The following RAB11FIP4 variants were observed in gnomAD, a reference collection of about 807,000 sequenced individuals.
The protein encoded by RAB11FIP4 is rab11 family-interacting protein 4.
RAB11FIP4 carries 23 observed loss-of-function variants against 74.3 expected under a neutral mutation model. The observed-to-expected ratio is 0.31, with a 90% CI of 0.22 to 0.44. The LOEUF (loss-of-function observed/expected upper bound fraction) is 0.44. RAB11FIP4 is among the 20% of genes least tolerant of loss of function. RAB11FIP4 has a pLI of 1.00. For missense variants in RAB11FIP4, 630 were observed against 863.9 expected (o/e 0.73, Z 3.39); for synonymous variants, 360 against 359.9 (o/e 1.00, Z 0.00).
At chr17:31,409,896 C>T (rs2151618790) in intron 1 of RAB11FIP4, among the ~76,000 whole-genome samples, 1 of 152,320 alleles carries the variant, frequency 6.6e-6, no homozygotes, top group Admixed American at 6.5e-5. Context: ...GCAAGTTCCT[C>T]TCTGCTTCTT....
At chr17:31,477,073 T>C (rs562374565) in intron 3 of RAB11FIP4, among the ~76,000 whole-genome samples, 1 of 152,320 alleles carries the variant, frequency 6.6e-6, no homozygotes, top group South Asian at 2.1e-4. Flanking sequence ...CTGTCTTTTG[T>C]GGGGTAGCTT....
rs1043588100 is a variant in RAB11FIP4 at position 31,521,078 on chromosome 17, A to G, written c.564-88A>G. On this transcript the variant is annotated intron_variant, in intron 4 of 14. Coordinates refer to ENST00000621161, the MANE Select transcript of RAB11FIP4 (RefSeq NM_032932.6). ...CAAACTTAATCGGTAGTGCCAATTA[A>G]AGGGAAATGCCTGTCAGTTTCCCCA... 6.5e-6 allele frequency: 7 copies of G among 1,072,326 alleles called. No individual in the cohort carries two copies. The African/African-American group carries it at 9.6e-5, about 15-fold the overall frequency. The allele number at this position is 1,072,326 out of a possible 1,614,324, so 66.4% of individuals were successfully genotyped here.
At chr17:31,517,191 C>T (rs1338979450) in intron 3 of RAB11FIP4, among the ~76,000 whole-genome samples, 9 of 42,778 alleles carry the variant, frequency 2.1e-4, no homozygotes, top group Admixed American at 6.6e-4. Flanking sequence ...GGAGGCGGTG[C>T]GGGGGGGGGG....
intron 3 of RAB11FIP4, chr17:31,488,231 A>G (rs2142747277): frequency 8.7e-7 from 1 of 1,146,606 alleles, no homozygotes; most frequent in East Asian, 4.3e-5. Flanking sequence ...TCTGCCGGGG[A>G]GCGGCCCGCG....
At chr17:31,450,146 C>T (rs2071510751) in intron 3 of RAB11FIP4, among the ~76,000 whole-genome samples, 2 of 152,140 alleles carry the variant, frequency 1.3e-5, no homozygotes, top group Non-Finnish European at 1.5e-5. Context: ...CCCTACTCTC[C>T]TTCCCCTGCC....
chr17:31,520,327 G>A (rs2072638841), intron 4 of RAB11FIP4, among the ~76,000 whole-genome samples: 1 of 152,026 alleles, frequency 6.6e-6, no homozygotes, highest in Non-Finnish European at 1.5e-5. Context: ...GATGCCAAGG[G>A]ATGACCATAC....
At chr17:31,498,355 A>G (rs1169176754) in intron 3 of RAB11FIP4, among the ~76,000 whole-genome samples, 1 of 152,214 alleles carries the variant, frequency 6.6e-6, no homozygotes, top group Non-Finnish European at 1.5e-5. Context: ...GGGTCTAGCA[A>G]AGGCCACAGG....
chr17:31,421,614 T>G (rs2071200426), intron 1 of RAB11FIP4, among the ~76,000 whole-genome samples: 2 of 149,070 alleles, frequency 1.3e-5, no homozygotes, highest in Admixed American at 1.4e-4. Flanking sequence ...TGGAGTGCAA[T>G]AGCGCAATCT....
Position 31,535,651 on chromosome 17 carries a change from C to G in RAB11FIP4, c.*3919C>G, listed in dbSNP as rs2072947025. The G allele has an allele frequency of 6.6e-6, 1 of 152,240 alleles. No individual in the cohort carries two copies. Among genetic ancestry groups the G allele is most frequent in the Non-Finnish European group, 1.5e-5 (1 of 68,086 alleles). 9.4% of individuals were successfully genotyped at this position (152,240 alleles called of 1,614,324 possible). A position where few individuals can be genotyped will look rare whatever the true frequency, so the allele number is the denominator to read the frequency against. Reference sequence around the variant, plus strand: ...ATGGGAGGCCAGATGCCTTCAGGAGCTGGTGGATCCAGCTGTTCTCACCAG... The same window carrying G: ...ATGGGAGGCCAGATGCCTTCAGGAGGTGGTGGATCCAGCTGTTCTCACCAG... On this transcript the variant is annotated 3_prime_UTR_variant, in exon 15 of 15. Coordinates refer to ENST00000621161, the MANE Select transcript of RAB11FIP4 (RefSeq NM_032932.6).
intron 1 of RAB11FIP4, among the ~76,000 whole-genome samples, chr17:31,420,891 C>T (rs1030882120): frequency 4.5e-4 from 69 of 152,194 alleles, no homozygotes; most frequent in African/African-American, 1.5e-3. Context: ...CAAGCCCAGC[C>T]TGACCCATAT....
At chr17:31,509,645 G>C in intron 3 of RAB11FIP4, among the ~76,000 whole-genome samples, 1 of 152,326 alleles carries the variant, frequency 6.6e-6, no homozygotes, top group East Asian at 1.9e-4. Flanking sequence ...GGGATGGAAC[G>C]TAGCAGTGCA....
intron 3 of RAB11FIP4, among the ~76,000 whole-genome samples, chr17:31,509,754 C>T (rs1043312117): frequency 6.6e-6 from 1 of 152,108 alleles, no homozygotes; most frequent in Non-Finnish European, 1.5e-5. Flanking sequence ...TGGGATGATC[C>T]CTCGTGACCT....
intron 3 of RAB11FIP4, among the ~76,000 whole-genome samples, chr17:31,505,133 T>TA (rs1597963603): frequency 1.3e-5 from 2 of 152,126 alleles, no homozygotes; most frequent in East Asian, 1.9e-4. Context: ...TTAGTGATGC[T>TA]AAATTTGATC....
chr17:31,428,697 G>T (rs2071277382), intron 1 of RAB11FIP4, among the ~76,000 whole-genome samples: 1 of 152,112 alleles, frequency 6.6e-6, no homozygotes, highest in South Asian at 2.1e-4. Context: ...ATCACTTGTT[G>T]AATAAGTGAG....
rs748145104 is a variant in RAB11FIP4 at position 31,517,718 on chromosome 17, C to CCGAGGA, written c.411_416dup (p.Asp137_Glu138dup). On this transcript the variant is annotated inframe_insertion, in exon 4 of 15. Transcript: ENST00000621161. The stretch of plus-strand genomic sequence containing the variant: ...ATCCCCAGGGAACCCGGCTTTTTTC[C>CCGAGGA]CGAGGACGAGGAGGAGGCTATGACG... 93 of 1,604,084 alleles carry CCGAGGA rather than the reference C, an allele frequency of 5.8e-5. No individual in the cohort carries two copies. Among genetic ancestry groups the CCGAGGA allele is most frequent in the South Asian group, 4.5e-4 (40 of 88,342 alleles).
chr17:31,524,069 C>G, intron 9 of RAB11FIP4, 73 bp downstream of exon 9: 1 of 1,104,976 alleles, frequency 9.0e-7, no homozygotes, highest in South Asian at 1.3e-5. Context: ...TTGCTAAGAC[C>G]TCCAGGAGGA....
chr17:31,402,768 C>T (rs1358497500), intron 1 of RAB11FIP4, among the ~76,000 whole-genome samples: 1 of 151,396 alleles, frequency 6.6e-6, no homozygotes, highest in East Asian at 1.9e-4. Flanking sequence ...ACTACAGGCG[C>T]CCACCATCAC....
intron 3 of RAB11FIP4, among the ~76,000 whole-genome samples, chr17:31,450,901 T>C (rs1261305070): frequency 6.7e-6 from 1 of 150,086 alleles, no homozygotes; most frequent in Non-Finnish European, 1.5e-5. Flanking sequence ...GCTCCCCATC[T>C]CAGTAAATGG....
At chr17:31,397,474 C>T (rs1007310457) in intron 1 of RAB11FIP4, among the ~76,000 whole-genome samples, 4 of 152,334 alleles carry the variant, frequency 2.6e-5, no homozygotes. Context: ...ACCAGGCAAC[C>T]TCTATGTGCC....
Sources: gnomAD v4.1 joint callset for allele counts (sites outside exome capture counted in the v4.1 genomes callset) on GRCh38, gnomAD v4.1.1 for gene constraint, MANE v1.5 for transcripts, NCBI Gene and HGNC (gene_info 2026-07-23, HGNC 2026-07-21) for gene names.